ARL17B: variants seen among roughly 807,000 people sequenced by gnomAD.
ARL17B encodes ARF like GTPase 17B, also known as ADP-ribosylation factor-like protein 17.
At chr17:46,290,253 G>A (rs1423133674) in intron 4 of ARL17B, among the ~76,000 whole-genome samples, 1 of 152,066 alleles carries the variant, frequency 6.6e-6, no homozygotes, top group African/African-American at 2.4e-5. Flanking sequence ...CCTCAGCCTC[G>A]CCAAGTAGCT....
chr17:46,283,616 A>G lies in ARL17B; in HGVS notation c.*22-8198T>C, dbSNP rs948957107. Among the ~76,000 whole-genome samples, 17 of 152,342 alleles carry G rather than the reference A, an allele frequency of 1.1e-4. No homozygotes were observed. In the East Asian group the frequency reaches 3.1e-3, roughly 28 times the overall value. ...TTGGTCGGAAGACCTTGGTGTGGTGAAGGGGTGGGTTGCCCCTCCACACCT... is the reference window on the plus strand; with the variant it reads ...TTGGTCGGAAGACCTTGGTGTGGTGGAGGGGTGGGTTGCCCCTCCACACCT... On this transcript the variant is annotated intron_variant, in intron 4 of 4. Coordinates refer to the ARL17B transcript ENST00000570618.
intron 4 of ARL17B, among the ~76,000 whole-genome samples, chr17:46,290,739 G>A (rs1365681664): frequency 3.3e-5 from 5 of 152,180 alleles, no homozygotes; most frequent in Non-Finnish European, 7.3e-5. Context: ...GAGCCATTGC[G>A]CCCAGCCTCT....
downstream of ARL17B, among the ~76,000 whole-genome samples, chr17:46,274,461 T>A (rs2049534745): frequency 6.6e-6 from 1 of 152,170 alleles, no homozygotes; most frequent in African/African-American, 2.4e-5. Flanking sequence ...GATTCGCAGT[T>A]GTGTGTGTGT....
rs1226563066 is a variant in ARL17B at position 46,340,704 on chromosome 17, G to A, written c.260-930C>T. 5.2e-5 allele frequency among the ~76,000 whole-genome samples: 4 copies of A among 77,424 alleles called. 1 individual carries two copies. Among genetic ancestry groups the A allele is most frequent in the South Asian group, 4.9e-4 (1 of 2,030 alleles). The allele number at this position is 77,424 out of a possible 152,430, so 50.8% of individuals were successfully genotyped here. A position where few individuals can be genotyped will look rare whatever the true frequency, so the allele number is the denominator to read the frequency against. ...ATTACAGGCACCCACCACCATGCCC[G>A]GCCAATTTTTTTTTTTTTTTCTAAA... On this transcript the variant is annotated intron_variant, in intron 3 of 3. Coordinates refer to ENST00000450673, the MANE Select transcript of ARL17B (RefSeq NM_001039083.5).
chr17:46,281,802 C>T (rs1157829554), intron 4 of ARL17B, among the ~76,000 whole-genome samples: 1 of 152,026 alleles, frequency 6.6e-6, no homozygotes, highest in Non-Finnish European at 1.5e-5. Context: ...CATCACCACA[C>T]CTGGCTAATT....
chr17:46,290,877 G>T (rs923772526), intron 4 of ARL17B, among the ~76,000 whole-genome samples: 47 of 152,212 alleles, frequency 3.1e-4, no homozygotes, highest in African/African-American at 1.1e-3. Flanking sequence ...TTGCCTAAAG[G>T]TAAGGTCCAT....
chr17:46,350,577 G>C (rs1334663506), intron 3 of ARL17B, among the ~76,000 whole-genome samples: 17 of 88,598 alleles, frequency 1.9e-4, no homozygotes, highest in East Asian at 9.3e-4. Context: ...AAAAAAAAAG[G>C]GGGGGGGAGG....
chr17:46,286,288 A>C (rs2049907890), intron 4 of ARL17B, among the ~76,000 whole-genome samples: 1 of 152,282 alleles, frequency 6.6e-6, no homozygotes, highest in Non-Finnish European at 1.5e-5. Flanking sequence ...AAAAAAATTT[A>C]TAAGAACACT....
rs945717165 is a variant in ARL17B at position 46,314,406 on chromosome 17, G to C, written c.260-14741C>G. ...TTTGCATCAATTCTTATAATCGTGT[G>C]AGATGTAGGGGGTCCACCTTCATTA... On this transcript the variant is annotated intron_variant, in intron 3 of 4. Coordinates refer to the ARL17B transcript ENST00000434041. Among the ~76,000 whole-genome samples the C allele has an allele frequency of 1.6e-4, 12 of 74,872 alleles. 5 individuals are homozygous for C. Among genetic ancestry groups the C allele is most frequent in the Admixed American group, 5.8e-4 (4 of 6,864 alleles). The allele number at this position is 74,872 out of a possible 152,430, so 49.1% of individuals were successfully genotyped here. A position where few individuals can be genotyped will look rare whatever the true frequency, so the allele number is the denominator to read the frequency against.
intron 4 of ARL17B, among the ~76,000 whole-genome samples, chr17:46,287,990 G>C (rs1394454234): frequency 6.6e-6 from 1 of 152,242 alleles, no homozygotes; most frequent in Non-Finnish European, 1.5e-5. Flanking sequence ...GAATCACAGG[G>C]AAGCAGGCTG....
intron 4 of ARL17B, among the ~76,000 whole-genome samples, chr17:46,286,786 TTA>T (rs1231888734): frequency 6.6e-6 from 1 of 152,258 alleles, no homozygotes; most frequent in Non-Finnish European, 1.5e-5. Context: ...GATGCTCTTA[TTA>T]GAACTCACTG....
intron 4 of ARL17B, among the ~76,000 whole-genome samples, chr17:46,288,711 T>C (rs1333564917): frequency 6.6e-6 from 1 of 151,746 alleles, no homozygotes; most frequent in Non-Finnish European, 1.5e-5. Flanking sequence ...TTTTTCTTTT[T>C]TTTTTTTTTT....
At position 46,307,787 on chromosome 17, in the gene ARL17B, T is replaced by C. The variant is rs1317557413; in HGVS notation, c.260-8122A>G. On this transcript the variant is annotated intron_variant, in intron 3 of 4. Coordinates refer to the ARL17B transcript ENST00000434041. ...AATTCCAGCACTTTGCTGAGGTGGG[T>C]GGATCACCTGAGGTCAGGAGTTCAA... is the stretch of plus-strand genomic sequence containing the variant. 2.5e-5 allele frequency among the ~76,000 whole-genome samples: 2 copies of C among 78,730 alleles called. 1 individual carries two copies. Among genetic ancestry groups the C allele is most frequent in the Admixed American group, 2.6e-4 (2 of 7,564 alleles). The allele number at this position is 78,730 out of a possible 152,430, so 51.6% of individuals were successfully genotyped here. A position where few individuals can be genotyped will look rare whatever the true frequency, so the allele number is the denominator to read the frequency against.
At chr17:46,282,936 C>G (rs62071637) in intron 4 of ARL17B, among the ~76,000 whole-genome samples, 1 of 150,350 alleles carries the variant, frequency 6.7e-6, no homozygotes. Flanking sequence ...CTGGCCAACA[C>G]AGTGAAACCT....
At chr17:46,282,675 G>A (rs1449790680) in intron 4 of ARL17B, among the ~76,000 whole-genome samples, 1 of 151,986 alleles carries the variant, frequency 6.6e-6, no homozygotes, top group African/African-American at 2.4e-5. Flanking sequence ...TCCCCACTCG[G>A]CTTCCCAAAG....
intron 3 of ARL17B, among the ~76,000 whole-genome samples, chr17:46,348,645 TAC>T (rs2052652104): frequency 1.8e-5 from 2 of 113,280 alleles, no homozygotes; most frequent in Non-Finnish European, 3.4e-5. Context: ...CTAGTTTTAT[TAC>T]AGTTAAGAAA....
At chr17:46,280,048 C>T (rs2049718174) in intron 4 of ARL17B, among the ~76,000 whole-genome samples, 1 of 112,186 alleles carries the variant, frequency 8.9e-6, no homozygotes, top group Non-Finnish European at 2.4e-5. Context: ...CATTGCTTTC[C>T]CTGAACCTCT....
intron 4 of ARL17B, among the ~76,000 whole-genome samples, chr17:46,284,516 T>C (rs1368834482): frequency 6.6e-6 from 1 of 152,018 alleles, no homozygotes; most frequent in Non-Finnish European, 1.5e-5. Flanking sequence ...CAAAATGGAG[T>C]CTCCTATGTC....
chr17:46,305,016 GT>G (rs2050481903), intron 3 of ARL17B, among the ~76,000 whole-genome samples: 2 of 83,852 alleles, frequency 2.4e-5, no homozygotes, highest in East Asian at 6.5e-4. Context: ...CTACAGGCAC[GT>G]GCCACTAGGC....
Sources: allele counts gnomAD v4.1 joint callset (sites outside exome capture counted in the v4.1 genomes callset), GRCh38; gene constraint gnomAD v4.1.1; transcripts MANE v1.5; gene names NCBI Gene and HGNC (gene_info 2026-07-23, HGNC 2026-07-21).